TMEM117: variants seen among roughly 807,000 people sequenced by gnomAD.
TMEM117 encodes the protein transmembrane protein 117.
TMEM117 carries 27 observed loss-of-function variants against 52.4 expected under a neutral mutation model. The ratio of observed to expected loss-of-function variants is 0.51; its 90% CI spans 0.38 to 0.71. The LOEUF is 0.71. Ranked by LOEUF, TMEM117 falls within the 30% of genes least tolerant of loss-of-function variation. The pLI, the probability that TMEM117 is intolerant of heterozygous loss-of-function variation, is 0.00. For synonymous variants in TMEM117, 215 were observed against 206.3 expected, an observed-to-expected ratio of 1.04 and a Z score of -0.36; for missense variants, 556 against 630.5, an observed-to-expected ratio of 0.88 and a Z score of 1.26.
At chr12:44,362,928 C>G (rs1016386104) in intron 6 of TMEM117, among the ~76,000 whole-genome samples, 2 of 151,742 alleles carry the variant, frequency 1.3e-5, no homozygotes. Context: ...TCTCGGCTCA[C>G]TACAACCTCT....
intron 4 of TMEM117, among the ~76,000 whole-genome samples, chr12:44,167,107 T>C (rs953817680): frequency 1.3e-5 from 2 of 152,188 alleles, no homozygotes; most frequent in African/African-American, 4.8e-5. Flanking sequence ...GCCCCTAGAA[T>C]ATGTATTTTT....
rs186265136 is a variant in TMEM117, at chr12:44,127,476, A to C, written c.411-16049A>C. ...CAAATCACCTGAGGTCAAGAGTTTG[A>C]GACCAGCCTGACCAACATGGAGAAA... On this transcript the variant is annotated intron_variant, in intron 3 of 7. Transcript: ENST00000266534. 1.3e-3 allele frequency among the ~76,000 whole-genome samples: 192 copies of C among 152,292 alleles called. 2 individuals carry two copies. Among genetic ancestry groups the C allele is most frequent in the Non-Finnish European group, 2.0e-3 (135 of 68,020 alleles).
chr12:44,354,263 T>C (rs1951610542), intron 6 of TMEM117, among the ~76,000 whole-genome samples: 1 of 152,088 alleles, frequency 6.6e-6, no homozygotes, highest in South Asian at 2.1e-4. Context: ...CTTCCTCTTT[T>C]CCTAATTGAA....
At chr12:44,224,003 T>C (rs1290057567) in intron 5 of TMEM117, among the ~76,000 whole-genome samples, 3 of 152,148 alleles carry the variant, frequency 2.0e-5, no homozygotes, top group African/African-American at 7.2e-5. Context: ...GTGTGGGCTT[T>C]TACTGTACTC....
At chr12:44,257,849 T>C (rs1950277401) in intron 5 of TMEM117, among the ~76,000 whole-genome samples, 1 of 152,130 alleles carries the variant, frequency 6.6e-6, no homozygotes, top group African/African-American at 2.4e-5. Context: ...AAAGTATATA[T>C]TATGCACATA....
At chr12:44,283,886 G>A (rs1373265846) in intron 5 of TMEM117, among the ~76,000 whole-genome samples, 1 of 152,140 alleles carries the variant, frequency 6.6e-6, no homozygotes, top group Non-Finnish European at 1.5e-5. Flanking sequence ...TCAGGGCTAG[G>A]TAATTGAATC....
At chr12:43,832,250 G>A (rs1352291184), upstream of TMEM117, among the ~76,000 whole-genome samples, 1 of 152,240 alleles carries the variant, frequency 6.6e-6, no homozygotes, top group East Asian at 1.9e-4. Context: ...TTTTGACCTA[G>A]AGGAAAGTTT....
the TMEM117 span, chr12:43,802,267 C>G: frequency 6.8e-7 from 1 of 1,478,852 alleles, no homozygotes; most frequent in Non-Finnish European, 9.0e-7. Context: ...GTTAAACAAA[C>G]TATAAAAAAG....
At chr12:44,209,066 C>G (rs576307947) in intron 4 of TMEM117, among the ~76,000 whole-genome samples, 1 of 151,924 alleles carries the variant, frequency 6.6e-6, no homozygotes, top group Non-Finnish European at 1.5e-5. Flanking sequence ...ATTCATGTAA[C>G]CTTTAGGTTT....
At chr12:43,996,835 C>T (rs1380730349) in intron 3 of TMEM117, among the ~76,000 whole-genome samples, 3 of 152,022 alleles carry the variant, frequency 2.0e-5, no homozygotes, top group African/African-American at 7.3e-5. Flanking sequence ...TAGTGGAGCA[C>T]TACCTTAGGA....
chr12:44,286,277 C>G (rs1950637409), intron 5 of TMEM117, among the ~76,000 whole-genome samples: 1 of 150,836 alleles, frequency 6.6e-6, no homozygotes, highest in African/African-American at 2.4e-5. Context: ...ACATTTAGAA[C>G]ATGAATAATA....
chr12:44,146,790 T>A (rs1948648812), intron 4 of TMEM117, among the ~76,000 whole-genome samples: 1 of 152,170 alleles, frequency 6.6e-6, no homozygotes, highest in Non-Finnish European at 1.5e-5. Flanking sequence ...ATGATGAGGG[T>A]GACTGTCATG....
rs77256310 is a variant in TMEM117 at position 44,256,463 on chromosome 12, A to G, written c.609-43117A>G. Among the ~76,000 whole-genome samples the G allele has an allele frequency of 5.9e-5, 9 of 152,186 alleles. 1 individual carries two copies. In the South Asian group the frequency reaches 1.9e-3, roughly 31 times the overall value. On this transcript the variant is annotated intron_variant, in intron 5 of 7. Coordinates refer to ENST00000266534, the MANE Select transcript of TMEM117 (RefSeq NM_032256.3). ...ATTCCATTTCAGGTTTCATCTCATTATTTATAATTTGATCAGATTCACAAG... is the reference window on the plus strand; with the variant it reads ...ATTCCATTTCAGGTTTCATCTCATTGTTTATAATTTGATCAGATTCACAAG...
At chr12:44,022,414 G>A (rs531903683) in intron 3 of TMEM117, among the ~76,000 whole-genome samples, 1 of 152,264 alleles carries the variant, frequency 6.6e-6, no homozygotes, top group African/African-American at 2.4e-5. Context: ...GAACCTTTTT[G>A]AACTTGTTGT....
At chr12:44,322,141 G>A (rs543291139) in intron 6 of TMEM117, among the ~76,000 whole-genome samples, 16 of 152,196 alleles carry the variant, frequency 1.1e-4, no homozygotes, top group Non-Finnish European at 1.9e-4. Flanking sequence ...GAGAAGCTAT[G>A]TTAGAGATAT....
intron 2 of TMEM117, among the ~76,000 whole-genome samples, chr12:43,927,205 A>G (rs1944793008): frequency 6.6e-6 from 1 of 152,000 alleles, no homozygotes; most frequent in Non-Finnish European, 1.5e-5. Context: ...AGGTATAAAA[A>G]TTATTTAACA....
intron 3 of TMEM117, among the ~76,000 whole-genome samples, chr12:43,995,909 A>G (rs1047054302): frequency 3.3e-5 from 5 of 152,260 alleles, no homozygotes; most frequent in Admixed American, 6.5e-5. Flanking sequence ...ATAAACTCAT[A>G]TATTCTCTGG....
At chr12:44,084,499 A>T (rs1321956547) in intron 3 of TMEM117, among the ~76,000 whole-genome samples, 1 of 152,170 alleles carries the variant, frequency 6.6e-6, no homozygotes, top group Non-Finnish European at 1.5e-5. Context: ...ATTGTGTCCT[A>T]AAGTGATATT....
chr12:43,912,614 G>T (rs1485589774), intron 2 of TMEM117, among the ~76,000 whole-genome samples: 1 of 149,744 alleles, frequency 6.7e-6, no homozygotes, highest in Non-Finnish European at 1.5e-5. Context: ...TTTTAAGAGT[G>T]CCTGGTACAT....
Sources: allele counts gnomAD v4.1 joint callset (sites outside exome capture counted in the v4.1 genomes callset), GRCh38; gene constraint gnomAD v4.1.1; transcripts MANE v1.5; gene names NCBI Gene and HGNC (gene_info 2026-07-23, HGNC 2026-07-21).